Variants in BTNL8 observed in about 807,000 individuals in gnomAD.
The protein encoded by BTNL8 is butyrophilin-like protein 8.
Under a neutral mutation model 36.1 loss-of-function variants are expected in BTNL8, and 22 were observed. The observed-to-expected ratio is 0.61, with a 90% CI of 0.44 to 0.87. The LOEUF is 0.87. Among genes scored for constraint, BTNL8 ranks in the 40% least tolerant of loss-of-function variants. BTNL8 has a pLI of 0.00. For synonymous variants in BTNL8, 203 were observed against 235.6 expected (o/e 0.86, Z 1.27); for missense variants, 526 against 616.9 (o/e 0.85, Z 1.56).
chr5:180,938,726 C>T (rs992272617), intron 3 of BTNL8, among the ~76,000 whole-genome samples: 23 of 151,598 alleles, frequency 1.5e-4, no homozygotes, highest in East Asian at 1.9e-4. Context: ...TTAGTAGAGA[C>T]GGGGTTTCGC....
At chr5:180,905,467 CA>C (rs1757037439) in intron 1 of BTNL8, among the ~76,000 whole-genome samples, 2 of 96,480 alleles carry the variant, frequency 2.1e-5, no homozygotes. Flanking sequence ...TTGATCCTTT[CA>C]AAAAACCAGC....
chr5:180,945,031 A>C (rs1036832883), intron 3 of BTNL8, among the ~76,000 whole-genome samples: 6 of 152,230 alleles, frequency 3.9e-5, no homozygotes, highest in Non-Finnish European at 7.3e-5. Flanking sequence ...CTTGAGCAAA[A>C]ATAACAAAGT....
At chr5:180,931,595 C>T (rs1184959810) in intron 3 of BTNL8, among the ~76,000 whole-genome samples, 1 of 151,968 alleles carries the variant, frequency 6.6e-6, no homozygotes, top group Non-Finnish European at 1.5e-5. Context: ...TCTACAAGAA[C>T]TTAAACAAAT....
chr5:180,948,420 G>A (rs772066287), intron 5 of BTNL8, 45 bp downstream of exon 5: 3 of 1,560,840 alleles, frequency 1.9e-6, no homozygotes, highest in Admixed American at 1.7e-5. Context: ...TGGTTCTCCC[G>A]GGTCCCTCCC....
At chr5:180,937,165 T>C (rs1237034564) in intron 3 of BTNL8, among the ~76,000 whole-genome samples, 1 of 152,158 alleles carries the variant, frequency 6.6e-6, no homozygotes, top group Non-Finnish European at 1.5e-5. Context: ...ACGTGCATCG[T>C]CTAGGACTCC....
Position 180,947,567 on chromosome 5 carries a change from C to G in BTNL8, c.729C>G (p.Leu243=), listed in dbSNP as rs1466859848. 1 of 1,614,112 alleles carries G rather than the reference C, an allele frequency of 6.2e-7. No individual in the cohort carries two copies. The highest frequency in any genetic ancestry group is 1.7e-5 in the Admixed American group (1 of 60,026). ...WHLATKVLGI[L]CCGLFFGIVG... is the part of the protein sequence containing the mutation. ...TGGCTACCAAAGTACTGGGAATACT[C>G]TGCTGTGGCCTATTTTTTGGCATTG... Residue 243 remains leucine, a synonymous_variant, in exon 4 of 8, where the codon CTC becomes CTG. Transcript: ENST00000340184.
chr5:180,937,085 G>C (rs1373097561), intron 3 of BTNL8, among the ~76,000 whole-genome samples: 1 of 152,184 alleles, frequency 6.6e-6, no homozygotes, highest in African/African-American at 2.4e-5. Flanking sequence ...AGGAGTCTCA[G>C]GAACAGCCCA....
intron 3 of BTNL8, among the ~76,000 whole-genome samples, chr5:180,928,532 G>T (rs1758210690): frequency 6.6e-6 from 1 of 152,106 alleles, no homozygotes; most frequent in African/African-American, 2.4e-5. Flanking sequence ...ATTTGATAAC[G>T]GGTCATGACC....
chr5:180,920,518 C>T (rs1757815753), intron 3 of BTNL8, among the ~76,000 whole-genome samples: 1 of 152,018 alleles, frequency 6.6e-6, no homozygotes. Flanking sequence ...GAAAAATCTC[C>T]TTGACATTGA....
intron 3 of BTNL8, among the ~76,000 whole-genome samples, chr5:180,924,369 C>A (rs1187508576): frequency 6.6e-6 from 1 of 152,204 alleles, no homozygotes; most frequent in African/African-American, 2.4e-5. Flanking sequence ...GATCAAGCAG[C>A]AACCCCAGAA....
chr5:180,932,797 TAAAAC>T (rs1758460402), intron 3 of BTNL8, among the ~76,000 whole-genome samples: 1 of 152,018 alleles, frequency 6.6e-6, no homozygotes, highest in African/African-American at 2.4e-5. Context: ...AAAACCAACA[TAAAAC>T]AAATTATAAA....
At chr5:180,902,466 C>A in intron 1 of BTNL8, 2 of 1,474,408 alleles carry the variant, frequency 1.4e-6, no homozygotes, top group Non-Finnish European at 1.9e-6. Flanking sequence ...CCCCCTGATG[C>A]ACATCTCCAG....
chr5:180,927,848 C>T (rs1758174147), intron 3 of BTNL8, among the ~76,000 whole-genome samples: 1 of 152,112 alleles, frequency 6.6e-6, no homozygotes, highest in Non-Finnish European at 1.5e-5. Context: ...AAGACCAAAC[C>T]TACGTTTGAT....
At chr5:180,917,946 G>A (rs568720235) in intron 3 of BTNL8, among the ~76,000 whole-genome samples, 6 of 151,272 alleles carry the variant, frequency 4.0e-5, no homozygotes, top group Admixed American at 1.3e-4. Flanking sequence ...GGAGAATGGC[G>A]TGAACCCGGG....
At chr5:180,921,228 C>A (rs1447956465) in intron 3 of BTNL8, among the ~76,000 whole-genome samples, 1 of 152,060 alleles carries the variant, frequency 6.6e-6, no homozygotes, top group East Asian at 1.9e-4. Context: ...GATACTTGCA[C>A]TTCCATGTTT....
In BTNL8 at chr5:180,950,205, T is replaced by C; in HGVS notation, c.1164T>C (p.Tyr388=). 6.8e-7 allele frequency: 1 copy of C among 1,463,208 alleles called. No individual in the cohort carries two copies. The highest frequency in any genetic ancestry group is 9.4e-7 in the Non-Finnish European group (1 of 1,058,848). 90.6% of individuals were successfully genotyped at this position (1,463,208 alleles called of 1,614,324 possible). A position where few individuals can be genotyped will look rare whatever the true frequency, so the allele number is the denominator to read the frequency against. The part of the protein sequence containing the change: ...WVLRLNGEHL[Y]FTLNPRFISV... ...TCAGACTGAATGGAGAACATTTGTA[T>C]TTCACATTAAATCCCCGTTTTATCA... Residue 388 remains tyrosine (Y), a synonymous_variant, in exon 8 of 8, where the codon TAT becomes TAC. Transcript: ENST00000340184.
At chr5:180,932,631 G>A (rs1423971536) in intron 3 of BTNL8, among the ~76,000 whole-genome samples, 2 of 152,158 alleles carry the variant, frequency 1.3e-5, no homozygotes, top group East Asian at 1.9e-4. Context: ...TTACAGGCGT[G>A]AGCCACTGCG....
intron 1 of BTNL8, among the ~76,000 whole-genome samples, chr5:180,900,151 C>T (rs943823271): frequency 3.3e-5 from 5 of 152,210 alleles, no homozygotes; most frequent in African/African-American, 9.7e-5. Context: ...TAACAGGAGA[C>T]GCTCTCGTTT....
chr5:180,912,068 G>A (rs2113785672), intron 3 of BTNL8, among the ~76,000 whole-genome samples: 1 of 152,324 alleles, frequency 6.6e-6, no homozygotes, highest in Non-Finnish European at 1.5e-5. Flanking sequence ...CCTCCCCTGA[G>A]TGAGAGAATG....
Sources: gnomAD v4.1 joint callset for allele counts (sites outside exome capture counted in the v4.1 genomes callset) on GRCh38, gnomAD v4.1.1 for gene constraint, MANE v1.5 for transcripts, NCBI Gene and HGNC (gene_info 2026-07-23, HGNC 2026-07-21) for gene names.